GSE1: variants seen among roughly 807,000 people sequenced by gnomAD.
GSE1 encodes genetic suppressor element 1.
In GSE1, 32 loss-of-function variants were observed where a neutral mutation model predicts 112.6. The observed-to-expected ratio is 0.28, with a 90% CI of 0.21 to 0.38. The LOEUF (loss-of-function observed/expected upper bound fraction) is 0.38. GSE1 is among the 10% of genes least tolerant of loss of function. GSE1 has a pLI of 1.00. For synonymous variants in GSE1, 1,115 were observed against 735.6 expected (o/e 1.52, Z -8.35); for missense variants, 2,348 against 1,699.2 (o/e 1.38, Z -6.71).
At chr16:85,232,570 A>C (rs922601753) in intron 1 of GSE1, among the ~76,000 whole-genome samples, 1 of 152,206 alleles carries the variant, frequency 6.6e-6, no homozygotes, top group Non-Finnish European at 1.5e-5. Context: ...GTCTCCTGCC[A>C]TGTGGCCCAA....
intron 1 of GSE1, among the ~76,000 whole-genome samples, chr16:85,186,624 T>G (rs62048638): frequency 6.7e-6 from 1 of 148,964 alleles, no homozygotes; most frequent in Non-Finnish European, 1.5e-5. Flanking sequence ...AAAAAAAATT[T>G]AGCCGTGTGT....
At chr16:85,543,535 T>C (rs949030447) in intron 2 of GSE1, among the ~76,000 whole-genome samples, 1 of 152,172 alleles carries the variant, frequency 6.6e-6, no homozygotes, top group African/African-American at 2.4e-5. Context: ...GGGCAGGCCC[T>C]GGGTCCCTTC....
At chr16:85,653,727 A>G (rs763849773) in intron 3 of GSE1, among the ~76,000 whole-genome samples, 2 of 152,034 alleles carry the variant, frequency 1.3e-5, no homozygotes, top group African/African-American at 2.4e-5. Context: ...GGGGCAGACC[A>G]GCACCTTCGG....
chr16:85,431,643 C>T (rs1044733372), intron 2 of GSE1, among the ~76,000 whole-genome samples: 20 of 152,146 alleles, frequency 1.3e-4, no homozygotes, highest in African/African-American at 2.4e-5. Flanking sequence ...ATGGCACCTG[C>T]CTCCCGCCAT....
At chr16:85,616,452 G>T (rs1277418353) in intron 1 of GSE1, among the ~76,000 whole-genome samples, 1 of 152,204 alleles carries the variant, frequency 6.6e-6, no homozygotes, top group Non-Finnish European at 1.5e-5. Context: ...TTCCCAGCCT[G>T]GGTTACTCGA....
chr16:85,671,946 G>A (rs993913764), intron 15 of GSE1: 1 of 166,956 alleles, frequency 6.0e-6, no homozygotes, highest in East Asian at 1.8e-4. Flanking sequence ...AGCAGCAGAT[G>A]CCGATTCTTA....
intron 2 of GSE1, among the ~76,000 whole-genome samples, chr16:85,508,153 C>T (rs921039338): frequency 1.8e-4 from 27 of 152,200 alleles, no homozygotes; most frequent in African/African-American, 6.5e-4. Flanking sequence ...CATGTCTCAG[C>T]CTCCCGAGTA....
intron 2 of GSE1, among the ~76,000 whole-genome samples, chr16:85,542,595 G>A (rs1353327745): frequency 6.6e-6 from 1 of 152,268 alleles, no homozygotes; most frequent in Non-Finnish European, 1.5e-5. Flanking sequence ...CGGAAAGGCT[G>A]TCTTTGGGAC....
At chr16:85,381,768 T>G (rs1034075821) in intron 2 of GSE1, among the ~76,000 whole-genome samples, 2 of 152,220 alleles carry the variant, frequency 1.3e-5, no homozygotes, top group African/African-American at 4.8e-5. Context: ...GAGGCCTCCC[T>G]TGTGCAAATC....
chr16:85,575,378 T>G (rs2046186689), intron 1 of GSE1, among the ~76,000 whole-genome samples: 1 of 152,142 alleles, frequency 6.6e-6, no homozygotes, highest in South Asian at 2.1e-4. Flanking sequence ...TTCCGGAGAT[T>G]ATTTCATTGG....
intron 2 of GSE1, among the ~76,000 whole-genome samples, chr16:85,495,400 G>A (rs1278093806): frequency 6.6e-6 from 1 of 152,074 alleles, no homozygotes; most frequent in East Asian, 1.9e-4. Context: ...TGCTGGGTTT[G>A]AAGCTCAGAT....
At chr16:85,649,513 G>T (rs115285535) in intron 3 of GSE1, among the ~76,000 whole-genome samples, 1 of 152,206 alleles carries the variant, frequency 6.6e-6, no homozygotes, top group Non-Finnish European at 1.5e-5. Context: ...CCTTATGTCT[G>T]TGGGCCCCTC....
intron 2 of GSE1, among the ~76,000 whole-genome samples, chr16:85,532,644 C>T (rs2044174667): frequency 6.6e-6 from 1 of 152,188 alleles, no homozygotes; most frequent in East Asian, 1.9e-4. Flanking sequence ...CACCGCCCCG[C>T]ACTGTTCCTC....
chr16:85,433,235 T>C (rs7201163), intron 2 of GSE1, among the ~76,000 whole-genome samples: 82,848 of 151,876 alleles, frequency 0.55, 25,516 homozygotes, highest in Non-Finnish European at 0.7. Context: ...GTCATTTTCA[T>C]TTAATCTTCA....
At chr16:85,584,372 A>AG (rs1165309102) in intron 1 of GSE1, among the ~76,000 whole-genome samples, 1 of 152,108 alleles carries the variant, frequency 6.6e-6, no homozygotes, top group Non-Finnish European at 1.5e-5. Context: ...TGAAAGCCAC[A>AG]GCCAAGCGGA....
chr16:85,247,774 A>AG (rs1906018386), intron 1 of GSE1, among the ~76,000 whole-genome samples: 1 of 151,722 alleles, frequency 6.6e-6, no homozygotes, highest in Non-Finnish European at 1.5e-5. Context: ...GCGGGGAGGG[A>AG]GGGGCTGGGC....
At chr16:85,635,444 A>G (rs1189489507) in intron 2 of GSE1, among the ~76,000 whole-genome samples, 2 of 152,184 alleles carry the variant, frequency 1.3e-5, no homozygotes, top group Admixed American at 1.3e-4. Flanking sequence ...AAGAGGCCGG[A>G]CAGCTGCAGG....
intron 1 of GSE1, among the ~76,000 whole-genome samples, chr16:85,328,977 A>G (rs2046283629): frequency 1.3e-5 from 2 of 152,102 alleles, no homozygotes; most frequent in South Asian, 2.1e-4. Flanking sequence ...GGGGGCCCCA[A>G]CCCTTCATCA....
intron 2 of GSE1, among the ~76,000 whole-genome samples, chr16:85,488,397 A>G (rs952905228): frequency 4.6e-5 from 7 of 152,144 alleles, no homozygotes; most frequent in African/African-American, 1.7e-4. Flanking sequence ...TCGCACATTC[A>G]TTTATTCGCA....
Sources: allele counts gnomAD v4.1 joint callset (sites outside exome capture counted in the v4.1 genomes callset), GRCh38; gene constraint gnomAD v4.1.1; transcripts MANE v1.5; gene names NCBI Gene and HGNC (gene_info 2026-07-23, HGNC 2026-07-21).